NKAIN2: variants seen among roughly 807,000 people sequenced by gnomAD.
NKAIN2 encodes the protein sodium/potassium transporting ATPase interacting 2.
A neutral mutation model predicts 32.6 loss-of-function variants in NKAIN2; 14 were observed. The ratio of observed to expected loss-of-function variants is 0.43; its 90% CI spans 0.28 to 0.67. The LOEUF is 0.67. NKAIN2 is among the 30% of genes least tolerant of loss of function. The probability of loss-of-function intolerance (pLI) is 0.17; values close to 1 mark genes in which losing one functional copy is unlikely to be tolerated. For synonymous variants in NKAIN2, 80 were observed against 87.2 expected (o/e 0.92, Z 0.46); for missense variants, 198 against 258.3 (o/e 0.77, Z 1.60).
At chr6:124,425,054 T>C (rs899358294) in intron 3 of NKAIN2, among the ~76,000 whole-genome samples, 6 of 152,252 alleles carry the variant, frequency 3.9e-5, no homozygotes, top group Non-Finnish European at 8.8e-5. Context: ...TATACATATA[T>C]GGCCAGCTAA....
chr6:124,156,587 C>G (rs539502246), intron 1 of NKAIN2, among the ~76,000 whole-genome samples: 6 of 152,044 alleles, frequency 3.9e-5, no homozygotes, highest in Non-Finnish European at 8.8e-5. Flanking sequence ...GATCATCACA[C>G]GGCACAAGTT....
chr6:124,136,672 T>C (rs532886707), intron 1 of NKAIN2, among the ~76,000 whole-genome samples: 1 of 152,244 alleles, frequency 6.6e-6, no homozygotes, highest in Admixed American at 6.5e-5. Context: ...TTAAGTGGGT[T>C]TTATACCAGG....
chr6:124,813,312 T>A (rs973235881), intron 5 of NKAIN2, among the ~76,000 whole-genome samples: 2 of 152,170 alleles, frequency 1.3e-5, no homozygotes, highest in Admixed American at 1.3e-4. Context: ...AAGAATCTAA[T>A]ACTGTAGATC....
chr6:124,485,145 G>A (rs762911052), intron 3 of NKAIN2, among the ~76,000 whole-genome samples: 4 of 152,006 alleles, frequency 2.6e-5, no homozygotes, highest in African/African-American at 9.7e-5. Context: ...TTCCTACATC[G>A]GTAATCCTCA....
intron 4 of NKAIN2, among the ~76,000 whole-genome samples, chr6:124,671,615 A>G (rs923441100): frequency 6.6e-6 from 1 of 152,048 alleles, no homozygotes; most frequent in African/African-American, 2.4e-5. Flanking sequence ...TCTTATTCTG[A>G]TCAACAATCT....
intron 2 of NKAIN2, among the ~76,000 whole-genome samples, chr6:124,334,929 T>A (rs1797806390): frequency 6.6e-6 from 1 of 151,990 alleles, no homozygotes; most frequent in African/African-American, 2.4e-5. Flanking sequence ...CAAGATGGAG[T>A]CAGTTAGGTC....
At chr6:124,663,277 A>G (rs896417239) in intron 4 of NKAIN2, among the ~76,000 whole-genome samples, 1 of 151,880 alleles carries the variant, frequency 6.6e-6, no homozygotes, top group Non-Finnish European at 1.5e-5. Flanking sequence ...TACACACACA[A>G]AAAAATAGCC....
chr6:124,575,796 T>TC (rs1224639350), intron 3 of NKAIN2, among the ~76,000 whole-genome samples: 1 of 152,190 alleles, frequency 6.6e-6, no homozygotes, highest in East Asian at 1.9e-4. Context: ...CCTTACTTTT[T>TC]CAATATCTCA....
In NKAIN2 at chr6:124,491,565, A is replaced by T. The variant is rs530253341; in HGVS notation, c.273+136218A>T. ...TTTGGAAATATGAATCAAGGCTCTT[A>T]AAAGTATGTATGCCCTTTTTTAGCT... On this transcript the variant is annotated intron_variant, in intron 3 of 6. Coordinates refer to ENST00000368417, the MANE Select transcript of NKAIN2 (RefSeq NM_001040214.3). 3.8e-4 allele frequency among the ~76,000 whole-genome samples: 57 copies of T among 151,876 alleles called. 2 individuals carry two copies. The highest frequency in any genetic ancestry group is 2.6e-4 in the Admixed American group (4 of 15,202).
chr6:124,398,602 G>A (rs1307024684), intron 3 of NKAIN2, among the ~76,000 whole-genome samples: 1 of 152,172 alleles, frequency 6.6e-6, no homozygotes, highest in Non-Finnish European at 1.5e-5. Context: ...AACATGTTAA[G>A]TGTATTATGA....
intron 1 of NKAIN2, among the ~76,000 whole-genome samples, chr6:123,965,585 C>T (rs978048241): frequency 2.0e-5 from 3 of 152,134 alleles, no homozygotes; most frequent in Non-Finnish European, 2.9e-5. Context: ...TCATATCCTG[C>T]GATCTAACCA....
intron 3 of NKAIN2, among the ~76,000 whole-genome samples, chr6:124,498,316 A>C (rs1235724378): frequency 1.3e-5 from 2 of 152,202 alleles, no homozygotes; most frequent in African/African-American, 4.8e-5. Context: ...CTCAGCGTAC[A>C]GAAATATCCT....
intron 1 of NKAIN2, among the ~76,000 whole-genome samples, chr6:123,939,699 C>A (rs1391665620): frequency 1.3e-5 from 2 of 151,902 alleles, no homozygotes; most frequent in East Asian, 3.9e-4. Flanking sequence ...TAGATCAGAA[C>A]CTACAGTTTG....
intron 1 of NKAIN2, among the ~76,000 whole-genome samples, chr6:123,949,872 G>T (rs1777243141): frequency 6.6e-6 from 1 of 151,930 alleles, no homozygotes; most frequent in Non-Finnish European, 1.5e-5. Flanking sequence ...TGCTTATTTT[G>T]TTCCAGATGT....
chr6:123,979,032 C>T (rs979982624), intron 1 of NKAIN2, among the ~76,000 whole-genome samples: 19 of 152,104 alleles, frequency 1.2e-4, no homozygotes, highest in Non-Finnish European at 1.8e-4. Flanking sequence ...TTAGATAAAA[C>T]AAATATAACT....
intron 1 of NKAIN2, among the ~76,000 whole-genome samples, chr6:123,814,585 A>G (rs968133847): frequency 1.3e-5 from 2 of 152,204 alleles, no homozygotes; most frequent in South Asian, 4.1e-4. Context: ...AGAGGTGTTA[A>G]TGATCACTCT....
At chr6:124,009,399 T>C (rs951658549) in intron 1 of NKAIN2, among the ~76,000 whole-genome samples, 1 of 152,202 alleles carries the variant, frequency 6.6e-6, no homozygotes, top group Non-Finnish European at 1.5e-5. Flanking sequence ...CTAAAGAAGA[T>C]GCTAAGTCTT....
At chr6:124,017,242 G>A (rs571717229) in intron 1 of NKAIN2, among the ~76,000 whole-genome samples, 39 of 152,058 alleles carry the variant, frequency 2.6e-4, no homozygotes, top group African/African-American at 6.8e-4. Flanking sequence ...GGAAAGACCC[G>A]CCCCCGTGAT....
chr6:124,520,826 A>G (rs1779091837), intron 3 of NKAIN2, among the ~76,000 whole-genome samples: 1 of 152,242 alleles, frequency 6.6e-6, no homozygotes, highest in African/African-American at 2.4e-5. Context: ...CAATGACTAT[A>G]TATGCCCTTT....
Sources: allele counts gnomAD v4.1 joint callset (sites outside exome capture counted in the v4.1 genomes callset), GRCh38; gene constraint gnomAD v4.1.1; transcripts MANE v1.5; gene names NCBI Gene and HGNC (gene_info 2026-07-23, HGNC 2026-07-21).